Variants in SYT1 observed in about 807,000 individuals in gnomAD.
SYT1 encodes synaptotagmin 1.
In SYT1, 8 loss-of-function variants were observed where a neutral mutation model predicts 44.8. The observed-to-expected ratio is 0.18, with a 90% CI of 0.10 to 0.32. SYT1 has a LOEUF of 0.32. Ranked by LOEUF, SYT1 falls within the 10% of genes least tolerant of loss-of-function variation. The probability of loss-of-function intolerance (pLI) is 1.00; values close to 1 mark genes in which losing one functional copy is unlikely to be tolerated. For missense variants in SYT1, 286 were observed against 509.3 expected (o/e 0.56, Z 4.22); for synonymous variants, 154 against 188.8 (o/e 0.82, Z 1.51).
intron 3 of SYT1, among the ~76,000 whole-genome samples, chr12:79,202,678 T>C (rs1873858184): frequency 1.3e-5 from 2 of 152,176 alleles, no homozygotes; most frequent in Admixed American, 1.3e-4. Context: ...AGAGTACTCC[T>C]AGTAGATCAA....
intron 8 of SYT1, among the ~76,000 whole-genome samples, chr12:79,308,252 C>T (rs1592950354): frequency 2.6e-5 from 4 of 152,114 alleles, no homozygotes; most frequent in Admixed American, 2.6e-4. Context: ...AGGCAGGCCG[C>T]GGTGGCTCAC....
chr12:79,204,229 T>A (rs1489680418), intron 3 of SYT1, among the ~76,000 whole-genome samples: 1 of 152,272 alleles, frequency 6.6e-6, no homozygotes, highest in African/African-American at 2.4e-5. Flanking sequence ...GCTTAATAAA[T>A]GTTAGATATT....
intron 3 of SYT1, among the ~76,000 whole-genome samples, chr12:79,074,807 C>T (rs539486928): frequency 6.6e-6 from 1 of 152,048 alleles, no homozygotes; most frequent in Non-Finnish European, 1.5e-5. Flanking sequence ...AATGTGATTC[C>T]AGATTTTATT....
chr12:78,999,041 A>G (rs561745678), intron 2 of SYT1, among the ~76,000 whole-genome samples: 5 of 152,314 alleles, frequency 3.3e-5, no homozygotes, highest in African/African-American at 1.2e-4. Flanking sequence ...TAGAACATCA[A>G]TACTTTGGAC....
intron 2 of SYT1, among the ~76,000 whole-genome samples, chr12:79,033,257 C>G (rs1245454930): frequency 6.6e-6 from 1 of 151,214 alleles, no homozygotes; most frequent in Non-Finnish European, 1.5e-5. Flanking sequence ...CAAATAGTGT[C>G]AAAATTGTAG....
At chr12:79,000,488 G>A (rs535721065) in intron 2 of SYT1, among the ~76,000 whole-genome samples, 2 of 151,890 alleles carry the variant, frequency 1.3e-5, no homozygotes, top group African/African-American at 2.4e-5. Flanking sequence ...TAGTAGAGAC[G>A]GGGTTTCACT....
chr12:78,972,952 A>G (rs979902407), intron 1 of SYT1, among the ~76,000 whole-genome samples: 5 of 152,154 alleles, frequency 3.3e-5, no homozygotes, highest in African/African-American at 1.2e-4. Context: ...ATCTTACTCT[A>G]CAATAATCGA....
intron 3 of SYT1, among the ~76,000 whole-genome samples, chr12:79,176,700 T>C (rs933528818): frequency 6.6e-6 from 1 of 152,070 alleles, no homozygotes; most frequent in African/African-American, 2.4e-5. Context: ...AACACACATA[T>C]ACCTTTGCTT....
At chr12:79,422,675 G>GCTCT (rs151278469) in intron 9 of SYT1, among the ~76,000 whole-genome samples, 6 of 147,942 alleles carry the variant, frequency 4.1e-5, no homozygotes, top group South Asian at 2.1e-4. Flanking sequence ...GGTTGCTCGT[G>GCTCT]CTCTCTCTCT....
chr12:79,240,061 A>G (rs1485934225), intron 4 of SYT1, among the ~76,000 whole-genome samples: 3 of 152,330 alleles, frequency 2.0e-5, no homozygotes, highest in African/African-American at 4.8e-5. Context: ...TTTGCCACAT[A>G]GCACAATCCA....
chr12:79,050,017 G>A (rs1017336800), intron 3 of SYT1, among the ~76,000 whole-genome samples: 2 of 151,908 alleles, frequency 1.3e-5, no homozygotes, highest in Non-Finnish European at 2.9e-5. Flanking sequence ...GTTGACTCTT[G>A]ATCACCAACT....
rs902298136 is a variant in SYT1 at position 79,408,476 on chromosome 12, C to A, written c.929-35597C>A. Among the ~76,000 whole-genome samples the A allele has an allele frequency of 2.6e-5, 4 of 152,264 alleles. No homozygotes were observed. The East Asian group carries it at 7.7e-4, about 29-fold the overall frequency. On this transcript the variant is annotated intron_variant, in intron 9 of 10. Transcript: ENST00000261205. ...ATCGGAGATACAGTGCACATTCTTA[C>A]TGAGACTTTGAGCAAGTCATTTAGC...
At chr12:78,958,554 G>A (rs530531142) in intron 1 of SYT1, among the ~76,000 whole-genome samples, 1 of 152,144 alleles carries the variant, frequency 6.6e-6, no homozygotes, top group South Asian at 2.1e-4. Flanking sequence ...AATATGCTGG[G>A]TGTGGTGGCA....
Position 78,970,119 on chromosome 12 carries a change from A to G in SYT1, c.-216-7680A>G, listed in dbSNP as rs1031251643. 2.0e-4 allele frequency among the ~76,000 whole-genome samples: 31 copies of G among 152,288 alleles called. 1 individual carries two copies. The highest frequency in any genetic ancestry group is 7.5e-4 in the African/African-American group (31 of 41,572). On this transcript the variant is annotated intron_variant, in intron 1 of 10. Transcript: ENST00000261205. ...TATTAATGATGGAAATTGAGAGAAA[A>G]AGGTGAGTTGCTGCTAGAGTCATAG...
rs766439691 is a variant in SYT1, at chr12:79,448,923, G to C, written c.1068G>C (p.Val356=). The change falls in exon 11 of 11, where the codon GTG becomes GTC. Residue 356 remains valine, a synonymous_variant. Transcript: ENST00000261205. ...CATTTCATGGCTTCTTTCAGAAAGT[G>C]CAGGTGGTGGTAACTGTTTTGGACT... ...FEVPFEQIQK[V]QVVVTVLDYD... The C allele has an allele frequency of 1.2e-6, 2 of 1,614,106 alleles. No individual in the cohort carries two copies. Among genetic ancestry groups the C allele is most frequent in the South Asian group, 2.2e-5 (2 of 91,076 alleles).
chr12:79,100,931 C>T (rs767346905), intron 3 of SYT1, among the ~76,000 whole-genome samples: 2 of 151,932 alleles, frequency 1.3e-5, no homozygotes, highest in Non-Finnish European at 2.9e-5. Context: ...AAATGCAAAC[C>T]ACATTGTGGC....
intron 1 of SYT1, among the ~76,000 whole-genome samples, chr12:78,943,638 T>C (rs985542195): frequency 6.6e-6 from 1 of 152,082 alleles, no homozygotes; most frequent in Admixed American, 6.6e-5. Context: ...ATATCACCCA[T>C]CTCACAGGCC....
chr12:79,081,667 C>T (rs545202783), intron 3 of SYT1, among the ~76,000 whole-genome samples: 37 of 152,262 alleles, frequency 2.4e-4, no homozygotes, highest in African/African-American at 8.4e-4. Flanking sequence ...GTGTGAGCCA[C>T]GGTGCCCAGC....
chr12:79,242,976 C>G lies in SYT1; in HGVS notation c.166+25291C>G, dbSNP rs542000165. Among the ~76,000 whole-genome samples, 9 of 152,214 alleles carry G rather than the reference C, an allele frequency of 5.9e-5. No individual in the cohort carries two copies. In the East Asian group the frequency reaches 1.7e-3, roughly 29 times the overall value. On this transcript the variant is annotated intron_variant, in intron 4 of 10. Transcript: ENST00000261205. The stretch of plus-strand genomic sequence containing the variant: ...TCACAGTACCATATGGCTGGAGAAG[C>G]CTCACAATCATGGCAGAAGATGAAG...
Sources: allele counts gnomAD v4.1 joint callset (sites outside exome capture counted in the v4.1 genomes callset), GRCh38; gene constraint gnomAD v4.1.1; transcripts MANE v1.5; gene names NCBI Gene and HGNC (gene_info 2026-07-23, HGNC 2026-07-21).